CCDC180: variants seen among roughly 807,000 people sequenced by gnomAD.
The protein encoded by CCDC180 is coiled-coil domain-containing protein 180.
In CCDC180, 154 loss-of-function variants were observed where a neutral mutation model predicts 209.2. That is an observed-to-expected ratio of 0.74 (90% CI 0.65 to 0.84). The LOEUF (loss-of-function observed/expected upper bound fraction) is 0.84, where lower values mean the gene tolerates loss of function less well. Ranked by LOEUF, CCDC180 falls within the 40% of genes least tolerant of loss-of-function variation. CCDC180 has a pLI of 0.00. For missense variants in CCDC180, 1,874 were observed against 1,997.3 expected, an observed-to-expected ratio of 0.94 and a Z score of 1.18; for synonymous variants, 778 against 749.1, an observed-to-expected ratio of 1.04 and a Z score of -0.63.
At chr9:97,312,642 A>G (rs1244643538) in intron 4 of CCDC180, among the ~76,000 whole-genome samples, 1 of 152,158 alleles carries the variant, frequency 6.6e-6, no homozygotes, top group Non-Finnish European at 1.5e-5. Flanking sequence ...CTTCCCCTTC[A>G]CCATGACACC....
At chr9:97,331,171 G>A (rs1825734027) in intron 18 of CCDC180, among the ~76,000 whole-genome samples, 2 of 152,038 alleles carry the variant, frequency 1.3e-5, no homozygotes, top group South Asian at 4.1e-4. Flanking sequence ...GTGAGAACAT[G>A]CAGTATTTGG....
chr9:97,322,587 C>T (rs769600307), intron 11 of CCDC180, among the ~76,000 whole-genome samples: 2 of 152,122 alleles, frequency 1.3e-5, no homozygotes, highest in African/African-American at 2.4e-5. Context: ...GCCCTGAAAC[C>T]GAGTCAAGAA....
rs764200019 is a variant in CCDC180 at position 97,370,058 on chromosome 9, G to A, written c.4326G>A (p.Gln1442=). Residue 1442 remains glutamine, a synonymous_variant, in exon 32 of 37, where the codon CAG becomes CAA. Coordinates refer to ENST00000529487, the MANE Select transcript of CCDC180 (RefSeq NM_020893.6). ...VKEIRGQFEE[Q]QKRLEKRKDK... ...AGATCCGAGGACAGTTCGAGGAACAGCAGAAGCGGCTGGAGAAAAGAAAGG... is the reference window on the plus strand; with the variant it reads ...AGATCCGAGGACAGTTCGAGGAACAACAGAAGCGGCTGGAGAAAAGAAAGG... The A allele has an allele frequency of 2.5e-6, 4 of 1,613,998 alleles. No individual in the cohort carries two copies. Among genetic ancestry groups the A allele is most frequent in the African/African-American group, 1.3e-5 (1 of 74,944 alleles).
intron 31 of CCDC180, among the ~76,000 whole-genome samples, chr9:97,368,210 A>G (rs1338475539): frequency 2.0e-5 from 3 of 152,382 alleles, no homozygotes; most frequent in Non-Finnish European, 4.4e-5. Flanking sequence ...TTAGCAAGCT[A>G]TCTGTAAAGT....
At chr9:97,332,981 A>G (rs963789846) in intron 18 of CCDC180, among the ~76,000 whole-genome samples, 2 of 152,220 alleles carry the variant, frequency 1.3e-5, no homozygotes, top group East Asian at 1.9e-4. Context: ...CTTTTGCCCA[A>G]TCAGTATGTT....
chr9:97,327,690 T>G (rs762970994), intron 15 of CCDC180, among the ~76,000 whole-genome samples: 1 of 152,148 alleles, frequency 6.6e-6, no homozygotes, highest in Non-Finnish European at 1.5e-5. Flanking sequence ...AGTCTGGACC[T>G]TGGGGCATTT....
At chr9:97,360,226 CT>C in intron 26 of CCDC180, 125 bp downstream of exon 26, 1 of 1,137,786 alleles carries the variant, frequency 8.8e-7, no homozygotes. Context: ...GGACATCAGG[CT>C]TACTGAGATG....
At chr9:97,338,018 T>C (rs1274992924) in intron 18 of CCDC180, among the ~76,000 whole-genome samples, 1 of 152,222 alleles carries the variant, frequency 6.6e-6, no homozygotes, top group African/African-American at 2.4e-5. Context: ...ATATCCCCTT[T>C]ATCATTTTTT....
At chr9:97,317,359 G>T in intron 9 of CCDC180, 131 bp downstream of exon 9, 1 of 804,156 alleles carries the variant, frequency 1.2e-6, no homozygotes, top group Admixed American at 3.1e-5. Flanking sequence ...TTTAAAGTTA[G>T]AAATAGATAA....
intron 34 of CCDC180, chr9:97,372,997 GA>G (rs1827146699): frequency 2.0e-5 from 3 of 152,168 alleles, no homozygotes; most frequent in Admixed American, 2.0e-4. Context: ...GCTGTTGTGT[GA>G]AAAAACAAAT....
intron 19 of CCDC180, among the ~76,000 whole-genome samples, chr9:97,344,315 C>T (rs1007034817): frequency 7.2e-5 from 11 of 152,134 alleles, no homozygotes; most frequent in Non-Finnish European, 1.5e-4. Context: ...AGGCTGGAGA[C>T]AAGGAATGAA....
chr9:97,340,370 T>G (rs950899193), intron 18 of CCDC180, among the ~76,000 whole-genome samples: 3 of 152,142 alleles, frequency 2.0e-5, no homozygotes, highest in African/African-American at 7.2e-5. Context: ...TTTTGTTGAT[T>G]GTGGGCGGCA....
intron 24 of CCDC180, 101 bp from the exon 25 acceptor site, chr9:97,357,526 T>C: frequency 1.3e-6 from 1 of 746,002 alleles, no homozygotes; most frequent in South Asian, 1.8e-5. Flanking sequence ...TTCATTTTTT[T>C]CAGTGCTTAA....
At position 97,326,540 on chromosome 9, in the gene CCDC180, G is replaced by C. The variant is rs1474374516; in HGVS notation, c.1546-14G>C. ...GTCACATCTGCTTCCTCTTGTTTTG[G>C]GGGTGGCTTCCAGGTGCAGGAGGCC... On this transcript the variant is annotated splice_polypyrimidine_tract_variant and intron_variant, in intron 14 of 36. Coordinates refer to ENST00000529487, the MANE Select transcript of CCDC180 (RefSeq NM_020893.6). The C allele has an allele frequency of 4.6e-6, 7 of 1,515,828 alleles. No individual in the cohort carries two copies. The highest frequency in any genetic ancestry group is 6.4e-6 in the Non-Finnish European group (7 of 1,090,540). The allele number at this position is 1,515,828 out of a possible 1,614,324, so 93.9% of individuals were successfully genotyped here.
intron 18 of CCDC180, among the ~76,000 whole-genome samples, chr9:97,336,277 AG>A (rs1217296622): frequency 1.3e-5 from 2 of 152,168 alleles, no homozygotes; most frequent in African/African-American, 4.8e-5. Flanking sequence ...GTTTTCTTCT[AG>A]GGTTTTTATG....
rs1482498020 is a variant in CCDC180, at chr9:97,377,174, A to C, written c.*280A>C. On this transcript the variant is annotated 3_prime_UTR_variant, in exon 37 of 37. Coordinates refer to ENST00000529487, the MANE Select transcript of CCDC180 (RefSeq NM_020893.6). ...CACTTCAAATAGGCACCAGAGCTTC[A>C]AAGGACATCACCTCCAAACAGCATG... 7.6e-6 allele frequency: 2 copies of C among 262,160 alleles called. No individual in the cohort carries two copies. Among genetic ancestry groups the C allele is most frequent in the Non-Finnish European group, 1.5e-5 (2 of 136,698 alleles). The allele number at this position is 262,160 out of a possible 1,614,324, so 16.2% of individuals were successfully genotyped here.
chr9:97,362,008 C>T, intron 27 of CCDC180, 110 bp downstream of exon 27: 1 of 1,389,944 alleles, frequency 7.2e-7, no homozygotes, highest in African/African-American at 1.4e-5. Flanking sequence ...GTGAGTCCAC[C>T]CCTGAGAGCC....
Position 97,347,591 on chromosome 9 carries a change from G to A in CCDC180, c.2674+102G>A, listed in dbSNP as rs1564165899. 3 of 1,098,494 alleles carry A rather than the reference G, an allele frequency of 2.7e-6. No individual in the cohort carries two copies. In the Admixed American group the frequency reaches 7.1e-5, roughly 26 times the overall value. The allele number at this position is 1,098,494 out of a possible 1,614,324, so 68.0% of individuals were successfully genotyped here. A position where few individuals can be genotyped will look rare whatever the true frequency, so the allele number is the denominator to read the frequency against. On this transcript the variant is annotated intron_variant, in intron 20 of 36. Transcript: ENST00000529487. The stretch of plus-strand genomic sequence containing the variant: ...CATTAGCTGCCCCAGTTTGTACCAT[G>A]CAATGTTTAGCATGTTCTCATCACA...
In CCDC180 at chr9:97,307,918, G is replaced by C; in HGVS notation, c.-81-65G>C. The C allele has an allele frequency of 1.9e-6, 3 of 1,580,750 alleles. No individual in the cohort carries two copies. The South Asian group carries it at 3.5e-5, about 18-fold the overall frequency. ...GAGTCCTGCCCTGGGGTGCCGCCTC[G>C]AGGCCAGACGTCGTCCCGCCTGGAC... On this transcript the variant is annotated intron_variant, in intron 1 of 36. Coordinates refer to ENST00000529487, the MANE Select transcript of CCDC180 (RefSeq NM_020893.6).
Sources: gnomAD v4.1 joint callset for allele counts (sites outside exome capture counted in the v4.1 genomes callset) on GRCh38, gnomAD v4.1.1 for gene constraint, MANE v1.5 for transcripts, NCBI Gene and HGNC (gene_info 2026-07-23, HGNC 2026-07-21) for gene names.